ESR2: variants seen among roughly 807,000 people sequenced by gnomAD.
ESR2 encodes the protein estrogen receptor 2.
ESR2 carries 36 observed loss-of-function variants against 49.6 expected under a neutral mutation model. That is an observed-to-expected ratio of 0.73 (90% CI 0.56 to 0.96). ESR2 has a LOEUF of 0.96. Among genes scored for constraint, ESR2 ranks in the 40% least tolerant of loss-of-function variants. The pLI is 0.00. For missense variants in ESR2, 714 were observed against 693.0 expected, an observed-to-expected ratio of 1.03 and a Z score of -0.34; for synonymous variants, 320 against 266.1, an observed-to-expected ratio of 1.20 and a Z score of -1.97.
At chr14:64,250,519 ACT>A (rs2075965767) in intron 6 of ESR2, among the ~76,000 whole-genome samples, 1 of 151,826 alleles carries the variant, frequency 6.6e-6, no homozygotes, top group East Asian at 1.9e-4. Flanking sequence ...CCCCCAAAAC[ACT>A]CTATTATTGT....
Position 64,283,080 on chromosome 14 carries a change from A to G in ESR2, c.-90-5T>C. On this transcript the variant is annotated splice_region_variant and splice_polypyrimidine_tract_variant and intron_variant, in intron 1 of 8. Coordinates refer to ENST00000341099, the MANE Select transcript of ESR2 (RefSeq NM_001437.3). ...ATTCGTGGGCAAGTATAATGGCTGT[A>G]AAGAAACACAGAAGATATTGCCAAG... 1 of 1,288,486 alleles carries G rather than the reference A, an allele frequency of 7.8e-7. No homozygotes were observed. The allele number at this position is 1,288,486 out of a possible 1,614,324, so 79.8% of individuals were successfully genotyped here. A position where few individuals can be genotyped will look rare whatever the true frequency, so the allele number is the denominator to read the frequency against.
intron 1 of ESR2, among the ~76,000 whole-genome samples, chr14:64,288,992 A>G (rs1350050247): frequency 6.6e-6 from 1 of 151,424 alleles, no homozygotes; most frequent in African/African-American, 2.4e-5. Flanking sequence ...GTCTCAAAAA[A>G]AAAAAAAAAA....
upstream of ESR2, among the ~76,000 whole-genome samples, chr14:64,296,645 A>T (rs2076961302): frequency 6.6e-6 from 1 of 152,224 alleles, no homozygotes; most frequent in African/African-American, 2.4e-5. Flanking sequence ...TGCTCTATGC[A>T]GAACACTGCA....
intron 6 of ESR2, among the ~76,000 whole-genome samples, chr14:64,254,993 C>G (rs947209087): frequency 6.6e-6 from 1 of 151,980 alleles, no homozygotes; most frequent in Non-Finnish European, 1.5e-5. Flanking sequence ...AGAAAAATAA[C>G]TTTTCTTCTA....
chr14:64,237,999 C>T (rs756852368), intron 7 of ESR2, among the ~76,000 whole-genome samples: 12 of 152,080 alleles, frequency 7.9e-5, no homozygotes, highest in Non-Finnish European at 1.2e-4. Context: ...AAACATTGAA[C>T]TGTATACTTA....
At chr14:64,246,494 C>G (rs1025982967) in intron 7 of ESR2, among the ~76,000 whole-genome samples, 1 of 151,980 alleles carries the variant, frequency 6.6e-6, no homozygotes, top group Admixed American at 6.6e-5. Flanking sequence ...AATCTCTTTC[C>G]TTTATAAATT....
chr14:64,256,855 T>C (rs2076109364), intron 6 of ESR2, among the ~76,000 whole-genome samples: 2 of 152,040 alleles, frequency 1.3e-5, no homozygotes, highest in South Asian at 4.1e-4. Context: ...CCAGATATAA[T>C]TGGTCACTAT....
chr14:64,280,021 C>A lies in ESR2; in HGVS notation c.495G>T (p.Ser165=). ...YASGYHYGVW[S]CEGCKAFFKR... Reference sequence around the variant, plus strand: ...TAAAAAAGGCCTTACATCCTTCACACGACCAGACTCCATAGTGATATCCCG... The same window carrying A: ...TAAAAAAGGCCTTACATCCTTCACAAGACCAGACTCCATAGTGATATCCCG... The change falls in exon 3 of 9, where the codon TCG becomes TCT. Residue 165 remains serine (S), a synonymous_variant. Transcript: ENST00000341099. The A allele has an allele frequency of 6.2e-7, 1 of 1,614,194 alleles. No individual in the cohort carries two copies. The highest frequency in any genetic ancestry group is 8.5e-7 in the Non-Finnish European group (1 of 1,180,018).
At chr14:64,234,119 T>G (rs1161570808) in intron 8 of ESR2, 2 of 152,198 alleles carry the variant, frequency 1.3e-5, no homozygotes, top group Non-Finnish European at 2.9e-5. Flanking sequence ...AGCAAGCAGA[T>G]AAATTCACAA....
At chr14:64,288,523 A>G (rs2076818334) in intron 1 of ESR2, among the ~76,000 whole-genome samples, 3 of 151,426 alleles carry the variant, frequency 2.0e-5, no homozygotes, top group Non-Finnish European at 2.9e-5. Context: ...AATTTTTTCT[A>G]TTTTTTAGTA....
Position 64,289,404 on chromosome 14 carries a change from C to T in ESR2, c.-91+4629G>A, listed in dbSNP as rs139640940. Among the ~76,000 whole-genome samples the T allele has an allele frequency of 1.3e-3, 205 of 152,038 alleles. 4 individuals are homozygous for T. In the East Asian group the frequency reaches 0.036, roughly 27 times the overall value. On this transcript the variant is annotated intron_variant, in intron 1 of 8. Transcript: ENST00000341099. ...GCACATGCCTGTAATCCCAGCTACT[C>T]GGGAGGATGAGGCAGGACAATCGCT...
chr14:64,311,426 G>A (rs1748979227), intron 1 of ESR2, among the ~76,000 whole-genome samples: 2 of 152,034 alleles, frequency 1.3e-5, no homozygotes, highest in South Asian at 4.2e-4. Flanking sequence ...GATCACTAGA[G>A]GTCAGGAGTT....
Position 64,246,622 on chromosome 14 carries a change from G to C in ESR2, c.1225+2924C>G, listed in dbSNP as rs775749025. Among the ~76,000 whole-genome samples the C allele has an allele frequency of 2.0e-5, 3 of 151,046 alleles. No individual in the cohort carries two copies. In the Admixed American group the frequency reaches 2.0e-4, roughly 10 times the overall value. On this transcript the variant is annotated intron_variant, in intron 7 of 8. Transcript: ENST00000341099. ...TGCACCTGTAATCCCAGCTACTTGG[G>C]ATGCTGAGGCATCGCTTGAGAATCA...
intron 7 of ESR2, among the ~76,000 whole-genome samples, chr14:64,246,568 A>C (rs1263458966): frequency 1.3e-5 from 2 of 151,658 alleles, no homozygotes; most frequent in Admixed American, 1.3e-4. Context: ...CTCTACTAAA[A>C]ATACAAAAAT....
intron 4 of ESR2, among the ~76,000 whole-genome samples, chr14:64,263,703 A>G (rs1467999971): frequency 6.6e-6 from 1 of 152,184 alleles, no homozygotes; most frequent in African/African-American, 2.4e-5. Context: ...CAGCCTCCAA[A>G]CACAATACAA....
chr14:64,292,577 G>A (rs2140848202), intron 1 of ESR2, among the ~76,000 whole-genome samples: 1 of 152,228 alleles, frequency 6.6e-6, no homozygotes, highest in Middle Eastern at 3.4e-3. Context: ...GTTTCTAGAT[G>A]TATTATCAAA....
At chr14:64,267,113 T>A (rs1245410158) in intron 4 of ESR2, among the ~76,000 whole-genome samples, 1 of 152,206 alleles carries the variant, frequency 6.6e-6, no homozygotes, top group African/African-American at 2.4e-5. Context: ...TCTCTTGACC[T>A]CATGATTTGC....
In ESR2 at chr14:64,252,571, C is replaced by T. The variant is rs147168457; in HGVS notation, c.1092-2892G>A. On this transcript the variant is annotated intron_variant, in intron 6 of 8. Coordinates refer to ENST00000341099, the MANE Select transcript of ESR2 (RefSeq NM_001437.3). The stretch of plus-strand genomic sequence containing the variant: ...TCACAGTTCTGCATGGCTGGGGAGG[C>T]CTCAGGAAACTTACAATCATGGCAG... Among the ~76,000 whole-genome samples the T allele has an allele frequency of 8.4e-3, 1,271 of 152,160 alleles. 23 individuals carry two copies. The highest frequency in any genetic ancestry group is 0.029 in the African/African-American group (1,203 of 41,504).
upstream of ESR2, among the ~76,000 whole-genome samples, chr14:64,299,294 T>C (rs563769111): frequency 1.2e-4 from 19 of 152,204 alleles, no homozygotes; most frequent in Non-Finnish European, 2.6e-4. Context: ...GTATCTAACA[T>C]TTTCAATTTC....
Sources: gnomAD v4.1 joint callset for allele counts (sites outside exome capture counted in the v4.1 genomes callset) on GRCh38, gnomAD v4.1.1 for gene constraint, MANE v1.5 for transcripts, NCBI Gene and HGNC (gene_info 2026-07-23, HGNC 2026-07-21) for gene names.